Variants in DLG2 observed in about 807,000 individuals in gnomAD.
The protein encoded by DLG2 is discs large MAGUK scaffold protein 2, also known as disks large homolog 2.
A neutral mutation model predicts 132.5 loss-of-function variants in DLG2; 45 were observed. The observed-to-expected ratio is 0.34, with a 90% confidence interval of 0.27 to 0.44. DLG2 has a LOEUF of 0.44. Ranked by LOEUF, DLG2 falls within the 20% of genes least tolerant of loss-of-function variation. The pLI is 1.00. For synonymous variants in DLG2, 424 were observed against 419.6 expected, an observed-to-expected ratio of 1.01 and a Z score of -0.13; for missense variants, 1,045 against 1,196.9, an observed-to-expected ratio of 0.87 and a Z score of 1.87.
At chr11:85,546,144 CT>C (rs1451106028) in intron 3 of DLG2, among the ~76,000 whole-genome samples, 1 of 152,148 alleles carries the variant, frequency 6.6e-6, no homozygotes, top group Non-Finnish European at 1.5e-5. Flanking sequence ...ATAAATTTCC[CT>C]CTACACACTG....
intron 6 of DLG2, among the ~76,000 whole-genome samples, chr11:84,915,299 T>C (rs2092387091): frequency 6.6e-6 from 1 of 152,202 alleles, no homozygotes; most frequent in African/African-American, 2.4e-5. Flanking sequence ...ATACATTTAA[T>C]CTTGACCAAC....
At chr11:83,467,033 T>C (rs902387323) in intron 25 of DLG2, among the ~76,000 whole-genome samples, 2 of 152,218 alleles carry the variant, frequency 1.3e-5, no homozygotes, top group African/African-American at 4.8e-5. Context: ...TTACAAAGTG[T>C]CTGCTACTGG....
intron 6 of DLG2, among the ~76,000 whole-genome samples, chr11:84,956,704 C>CGTTAAA (rs2051729782): frequency 6.6e-6 from 1 of 152,086 alleles, no homozygotes; most frequent in African/African-American, 2.4e-5. Context: ...ATCACAAAAC[C>CGTTAAA]TCAGCCTAAA....
At position 84,657,686 on chromosome 11, in the gene DLG2, AG is replaced by A. The variant is rs1227999266; in HGVS notation, c.358-122956del. 3.3e-5 allele frequency among the ~76,000 whole-genome samples: 5 copies of A among 152,162 alleles called. No homozygotes were observed. The East Asian group carries it at 9.6e-4, about 29-fold the overall frequency. ...TAATGCCGTTGTTAATCTGACAGGAAGTAGAGCTCAGGCAGTAATACTCAGT... is the reference window on the plus strand; with the variant it reads ...TAATGCCGTTGTTAATCTGACAGGAATAGAGCTCAGGCAGTAATACTCAGT... On this transcript the variant is annotated intron_variant, in intron 6 of 27. Coordinates refer to ENST00000376104, the MANE Select transcript of DLG2 (RefSeq NM_001142699.3).
chr11:85,476,164 G>C (rs992555369), intron 3 of DLG2, among the ~76,000 whole-genome samples: 4 of 152,102 alleles, frequency 2.6e-5, no homozygotes, highest in Admixed American at 2.6e-4. Flanking sequence ...GCATGTTGCT[G>C]TACTGAATAC....
chr11:83,484,181 G>T lies in DLG2; in HGVS notation c.2241C>A (p.Phe747Leu). The T allele has an allele frequency of 6.2e-7, 1 of 1,613,428 alleles. No homozygotes were observed. Among genetic ancestry groups the T allele is most frequent in the South Asian group, 1.1e-5 (1 of 91,060 alleles). The change falls in exon 22 of 28, where the codon TTC becomes TTA. Residue 747 changes from phenylalanine (F) to leucine (L), a missense_variant. Physicochemically the swap from Phe to Leu is conservative, Grantham distance 22 (BLOSUM62 0). This residue lies in a region of DLG2 where 398 missense variants were observed against 543.6 expected (regional missense o/e 0.73). Transcript: ENST00000376104. ...TCTGCTCCTTGTTCTTGTAGAATGGGAATTTTCGTGAAAAGATGAAGCTCT... is the reference window on the plus strand; with the variant it reads ...TCTGCTCCTTGTTCTTGTAGAATGGTAATTTTCGTGAAAAGATGAAGCTCT... ...RKKSFIFSRK[F>L]PFYKNKEQSE...
intron 7 of DLG2, among the ~76,000 whole-genome samples, chr11:84,315,744 C>T (rs2098347241): frequency 1.3e-5 from 2 of 152,046 alleles, no homozygotes; most frequent in East Asian, 1.9e-4. Context: ...CAATCAAAGG[C>T]CATATATATG....
intron 4 of DLG2, among the ~76,000 whole-genome samples, chr11:85,229,293 C>T (rs747404091): frequency 6.6e-6 from 1 of 150,936 alleles, no homozygotes; most frequent in Non-Finnish European, 1.5e-5. Context: ...AACAAATTTA[C>T]AAGAAAAAAA....
intron 17 of DLG2, among the ~76,000 whole-genome samples, chr11:83,787,672 A>G (rs1225354312): frequency 6.6e-6 from 1 of 152,174 alleles, no homozygotes; most frequent in Non-Finnish European, 1.5e-5. Flanking sequence ...ATACAATTCT[A>G]GAATAAATTC....
At chr11:84,695,075 C>T (rs2058477931) in intron 6 of DLG2, among the ~76,000 whole-genome samples, 1 of 151,440 alleles carries the variant, frequency 6.6e-6, no homozygotes, top group South Asian at 2.1e-4. Context: ...AAAAAATATG[C>T]TTCGGTAAAA....
At chr11:83,608,707 GACAC>G (rs3040167) in intron 19 of DLG2, among the ~76,000 whole-genome samples, 1 of 149,920 alleles carries the variant, frequency 6.7e-6, no homozygotes, top group Non-Finnish European at 1.5e-5. Context: ...AATAAATCAG[GACAC>G]ACACACACAC....
At chr11:83,584,822 T>C (rs997864546) in intron 19 of DLG2, among the ~76,000 whole-genome samples, 2 of 152,216 alleles carry the variant, frequency 1.3e-5, no homozygotes, top group African/African-American at 4.8e-5. Flanking sequence ...ATCAGTAATT[T>C]AGGCAAACCC....
chr11:84,777,925 T>C lies in DLG2; in HGVS notation c.358-243194A>G, dbSNP rs1426853489. ...GGCTGTCTGTTCACTCTGTCAATTA[T>C]TTCCTTTGCTGTGCAGAAGATTTTT... On this transcript the variant is annotated intron_variant, in intron 6 of 27. Coordinates refer to ENST00000376104, the MANE Select transcript of DLG2 (RefSeq NM_001142699.3). Among the ~76,000 whole-genome samples the C allele has an allele frequency of 5.3e-5, 8 of 152,208 alleles. 1 individual carries two copies. Among genetic ancestry groups the C allele is most frequent in the Admixed American group, 3.3e-4 (5 of 15,268 alleles).
chr11:84,465,393 T>C (rs772987713), intron 7 of DLG2, among the ~76,000 whole-genome samples: 5 of 151,396 alleles, frequency 3.3e-5, no homozygotes, highest in Non-Finnish European at 7.4e-5. Context: ...TACTTACTAG[T>C]GGATCTTCTT....
intron 6 of DLG2, among the ~76,000 whole-genome samples, chr11:84,616,978 C>T (rs2099605457): frequency 6.7e-6 from 1 of 149,538 alleles, no homozygotes; most frequent in Non-Finnish European, 1.5e-5. Flanking sequence ...TCCTCTCTTC[C>T]CTTTCTTTTT....
intron 6 of DLG2, among the ~76,000 whole-genome samples, chr11:84,901,117 G>A (rs566337054): frequency 1.2e-4 from 18 of 152,058 alleles, no homozygotes; most frequent in Non-Finnish European, 2.1e-4. Context: ...ATTTAAAAGC[G>A]AAGACATACC....
chr11:85,623,428 C>CTG (rs2081864417), intron 2 of DLG2, among the ~76,000 whole-genome samples: 1 of 152,072 alleles, frequency 6.6e-6, no homozygotes, highest in South Asian at 2.1e-4. Flanking sequence ...CGTCAGCCTC[C>CTG]CAAGTAGCTG....
chr11:84,698,275 T>G (rs954807173), intron 6 of DLG2, among the ~76,000 whole-genome samples: 2 of 151,548 alleles, frequency 1.3e-5, no homozygotes, highest in African/African-American at 4.8e-5. Flanking sequence ...CATACAAAAT[T>G]ATCTCACTTT....
intron 5 of DLG2, among the ~76,000 whole-genome samples, chr11:85,147,117 C>A (rs2076917786): frequency 6.6e-6 from 1 of 152,228 alleles, no homozygotes; most frequent in Non-Finnish European, 1.5e-5. Flanking sequence ...CAATGCGAAA[C>A]TGTCTTTCCT....
Sources: allele counts gnomAD v4.1 joint callset (sites outside exome capture counted in the v4.1 genomes callset), GRCh38; gene constraint gnomAD v4.1.1; regional missense constraint gnomAD v4.1.1; transcripts MANE v1.5; gene names NCBI Gene and HGNC (gene_info 2026-07-23, HGNC 2026-07-21).